The following TDRD6 variants were observed in gnomAD, a reference collection of about 807,000 sequenced individuals.
The protein encoded by TDRD6 is tudor domain containing 6, also known as tudor domain-containing protein 6.
TDRD6 carries 186 observed loss-of-function variants against 157.5 expected under a neutral mutation model. The observed-to-expected ratio is 1.18, with a 90% CI of 1.05 to 1.33. The LOEUF is 1.33. Among genes scored for constraint, TDRD6 ranks in the 40% most tolerant of loss-of-function variants. The pLI is 0.00. For missense variants in TDRD6, 3,066 were observed against 2,508.0 expected (o/e 1.22, Z -4.75); for synonymous variants, 1,075 against 945.2 (o/e 1.14, Z -2.52).
Position 46,693,795 on chromosome 6 carries a change from G to A in TDRD6, c.5667G>A (p.Glu1889=). Residue 1889 remains glutamate, a synonymous_variant, in exon 1 of 4, where the codon GAG becomes GAA. Coordinates refer to ENST00000316081, the MANE Select transcript of TDRD6 (RefSeq NM_001010870.3). ...SQECVTKGAM[E]LFTLQLPLSC... is the part of the protein sequence containing the mutation. ...AGTGTGTCACAAAAGGCGCCATGGA[G>A]CTATTTACACTGCAGCTTCCTCTCA... 1.2e-6 allele frequency: 2 copies of A among 1,614,186 alleles called. No homozygotes were observed. The highest frequency in any genetic ancestry group is 4.5e-5 in the East Asian group (2 of 44,874).
In TDRD6 at chr6:46,702,083, A is replaced by G. The variant is rs916304369; in HGVS notation, c.*196A>G. The G allele has an allele frequency of 8.4e-6, 4 of 474,438 alleles. No homozygotes were observed. The highest frequency in any genetic ancestry group is 5.9e-5 in the African/African-American group (3 of 50,688). 29.4% of individuals were successfully genotyped at this position (474,438 alleles called of 1,614,324 possible). On this transcript the variant is annotated 3_prime_UTR_variant, in exon 4 of 4. Transcript: ENST00000316081. Reference sequence around the variant, plus strand: ...GGGGTGTGTTTATAGTGATCCTGTTATATATACAGATCTGGGATCTTTCGT... The same window carrying G: ...GGGGTGTGTTTATAGTGATCCTGTTGTATATACAGATCTGGGATCTTTCGT...
rs113978580 is a variant in TDRD6, at chr6:46,690,711, T to G, written c.2583T>G (p.Ser861=). The change falls in exon 1 of 4, where the codon TCT becomes TCG. Residue 861 remains serine (S), a synonymous_variant. Transcript: ENST00000316081. ...ATTATGGAGACAGAGAAATGGTATC[T>G]GTGAAGAATATTTATTCAATTAGTG... The part of the protein sequence containing the change: ...FVDYGDREMV[S]VKNIYSISEE... The G allele has an allele frequency of 3.7e-6, 6 of 1,614,062 alleles. No homozygotes were observed. The highest frequency in any genetic ancestry group is 5.1e-6 in the Non-Finnish European group (6 of 1,180,020).
intron 3 of TDRD6, 138 bp from the exon 4 acceptor site, chr6:46,701,720 C>A: frequency 1.5e-5 from 10 of 678,660 alleles, no homozygotes; most frequent in South Asian, 4.8e-5. Flanking sequence ...GAAATAATGC[C>A]CTATAGTAAT....
rs1764243378 is a variant in TDRD6 at position 46,689,607 on chromosome 6, A to G, written c.1479A>G (p.Val493=). 3.7e-6 allele frequency: 6 copies of G among 1,614,058 alleles called. No individual in the cohort carries two copies. In the Middle Eastern group the frequency reaches 4.9e-4, roughly 133 times the overall value. Residue 493 remains valine, a synonymous_variant, in exon 1 of 4, where the codon GTA becomes GTG. Coordinates refer to ENST00000316081, the MANE Select transcript of TDRD6 (RefSeq NM_001010870.3). ...TGAATGCCTTCTACGATGCGCAGGT[A>G]GAGTTTGTTAAAAATCCTTCTGAGT... ...LKMNAFYDAQ[V]EFVKNPSEFW... is the part of the protein sequence containing the mutation.
rs1300619757 is a variant in TDRD6, at chr6:46,691,402, C to T, written c.3274C>T (p.Pro1092Ser). ...PSDAYDVLLL[P>S]MQAVRCSLSD... ...TGATGCATATGATGTCTTACTTTTG[C>T]CCATGCAAGCTGTCAGATGTTCATT... Residue 1092 changes from proline (P) to serine (S), a missense_variant, in exon 1 of 4, where the codon CCC becomes TCC. Pro to Ser is a moderately conservative substitution (Grantham distance 74). Coordinates refer to ENST00000316081, the MANE Select transcript of TDRD6 (RefSeq NM_001010870.3). 1 of 1,613,984 alleles carries T rather than the reference C, an allele frequency of 6.2e-7. No individual in the cohort carries two copies. The highest frequency in any genetic ancestry group is 8.5e-7 in the Non-Finnish European group (1 of 1,179,916).
At position 46,691,873 on chromosome 6, in the gene TDRD6, C is replaced by T. The variant is rs763078318; in HGVS notation, c.3745C>T (p.Gln1249Ter). The T allele has an allele frequency of 6.3e-7, 1 of 1,592,200 alleles. No individual in the cohort carries two copies. Among genetic ancestry groups the T allele is most frequent in the Non-Finnish European group, 8.5e-7 (1 of 1,174,450 alleles). ...YQDSVGNKNS[Q>*]VFPLTTEKKE... Reference sequence around the variant, plus strand: ...AGACTCTGTGGGAAATAAAAATAGTCAAGTGTTTCCATTAACAACAGAAAA... The same window carrying T: ...AGACTCTGTGGGAAATAAAAATAGTTAAGTGTTTCCATTAACAACAGAAAA... The change falls in exon 1 of 4, where the codon CAA (glutamine) becomes TAA (stop). Residue 1249 changes from glutamine (Q) to a stop codon, truncating the protein, a stop_gained. Transcript: ENST00000316081. LOFTEE classifies it high-confidence loss of function.
In TDRD6 at chr6:46,693,319, A is replaced by C. The variant is rs779615660; in HGVS notation, c.5191A>C (p.Lys1731Gln). ...GSYNLDVGLKKLSNKAVQNKI... is the reference protein window; with the variant it reads ...GSYNLDVGLKQLSNKAVQNKI... ...CTACAATCTTGATGTAGGACTTAAG[A>C]AATTAAGTAATAAAGCTGTACAAAA... The change falls in exon 1 of 4, where the codon AAA becomes CAA. Residue 1731 changes from lysine to glutamine, a missense_variant. Lys to Gln is a moderately conservative substitution (Grantham distance 53, BLOSUM62 1). Coordinates refer to ENST00000316081, the MANE Select transcript of TDRD6 (RefSeq NM_001010870.3). 1 of 1,605,010 alleles carries C rather than the reference A, an allele frequency of 6.2e-7. No individual in the cohort carries two copies. The highest frequency in any genetic ancestry group is 1.1e-5 in the South Asian group (1 of 89,442).
At position 46,692,334 on chromosome 6, in the gene TDRD6, T is replaced by C. The variant is rs958222427; in HGVS notation, c.4206T>C (p.Gly1402=). The C allele has an allele frequency of 6.2e-7, 1 of 1,614,186 alleles. No homozygotes were observed. The highest frequency in any genetic ancestry group is 1.6e-4 in the Middle Eastern group (1 of 6,062). Reference sequence around the variant, plus strand: ...CTGTGGTTCATACTAACAAAATAGGTAGGCTTGACCTTGTTAATGCAATAT... The same window carrying C: ...CTGTGGTTCATACTAACAAAATAGGCAGGCTTGACCTTGTTAATGCAATAT... ...NVSVVHTNKI[G]RLDLVNAILP... The change falls in exon 1 of 4, where the codon GGT becomes GGC. Residue 1402 remains glycine, a synonymous_variant. Coordinates refer to ENST00000316081, the MANE Select transcript of TDRD6 (RefSeq NM_001010870.3).
chr6:46,692,159 G>A lies in TDRD6; in HGVS notation c.4031G>A (p.Arg1344Lys). ...LSERLNSVKT[R>K]PEYYVGPPLQ... ...GAGAGATTAAACAGTGTTAAAACAA[G>A]GCCCGAATATTATGTAGGTCCACCT... The change falls in exon 1 of 4, where the codon AGG becomes AAG. Residue 1344 changes from arginine (R) to lysine (K), a missense_variant. Transcript: ENST00000316081. 1.9e-6 allele frequency: 3 copies of A among 1,614,088 alleles called. No individual in the cohort carries two copies. Among genetic ancestry groups the A allele is most frequent in the Non-Finnish European group, 2.5e-6 (3 of 1,179,986 alleles).
At position 46,701,121 on chromosome 6, in the gene TDRD6, A is replaced by C. The variant is rs915355353; in HGVS notation, c.6262-737A>C. ...CACCCAGAATTACAATTTCTTAAAA[A>C]TATTGTTATGCTGAATCCCTCAAAC... On this transcript the variant is annotated intron_variant, in intron 3 of 3. Transcript: ENST00000316081. 15 of 372,760 alleles carry C rather than the reference A, an allele frequency of 4.0e-5. No individual in the cohort carries two copies. The Admixed American group carries it at 5.0e-4, about 12-fold the overall frequency. The allele number at this position is 372,760 out of a possible 1,614,324, so 23.1% of individuals were successfully genotyped here.
upstream of TDRD6, among the ~76,000 whole-genome samples, chr6:46,685,136 T>A: frequency 6.6e-6 from 1 of 152,028 alleles, no homozygotes; most frequent in African/African-American, 2.4e-5. Flanking sequence ...TTCAAATTTA[T>A]TTTTTTTACT....
rs779034242 is a variant in TDRD6 at position 46,692,076 on chromosome 6, C to G, written c.3948C>G (p.Asp1316Glu). Residue 1316 changes from aspartate (D) to glutamate (E), a missense_variant, in exon 1 of 4, where the codon GAC becomes GAG. By Grantham distance (45) the Asp-to-Glu change is conservative. Transcript: ENST00000316081. ...KTTVYVSHIN[D>E]LSDFYVQLIE... ...CTGTATATGTTTCTCATATAAATGA[C>G]CTTTCAGACTTTTATGTTCAACTAA... The G allele has an allele frequency of 3.7e-6, 6 of 1,612,602 alleles. No homozygotes were observed. In the Admixed American group the frequency reaches 8.4e-5, roughly 23 times the overall value.
chr6:46,692,631 CAA>C lies in TDRD6; in HGVS notation c.4505_4506del (p.Lys1502IlefsTer4), dbSNP rs775570643. On this transcript the variant is annotated frameshift_variant, in exon 1 of 4. Coordinates refer to ENST00000316081, the MANE Select transcript of TDRD6 (RefSeq NM_001010870.3). LOFTEE classifies it high-confidence loss of function. Reference protein sequence around the residue: ...IKSASSKSVNKSDIDTSVFLN... With the variant: ...IKSASSKSVNXSDIDTSVFLN... The stretch of plus-strand genomic sequence containing the variant: ...AAAGTGCCAGTTCAAAGTCTGTTAA[CAA>C]ATCAGACATTGACACTTCAGTATTT... The C allele has an allele frequency of 2.5e-6, 4 of 1,612,872 alleles. No individual in the cohort carries two copies. The South Asian group carries it at 4.4e-5, about 18-fold the overall frequency.
At position 46,693,232 on chromosome 6, in the gene TDRD6, G is replaced by T. The variant is rs537866919; in HGVS notation, c.5104G>T (p.Gly1702Cys). The T allele has an allele frequency of 1.2e-6, 2 of 1,613,156 alleles. No individual in the cohort carries two copies. The highest frequency in any genetic ancestry group is 4.5e-5 in the East Asian group (2 of 44,844). The change falls in exon 1 of 4, where the codon GGT becomes TGT. Residue 1702 changes from glycine (G) to cysteine (C), a missense_variant. Gly to Cys is a radical substitution (Grantham distance 159). Transcript: ENST00000316081. ...GAAAATGGAGAAATATTCTAAGACT[G>T]GTATTAAAAGTGCTCTTCCCTATGA... ...NEKMEKYSKTGIKSALPYENI... is the reference protein window; with the variant it reads ...NEKMEKYSKTCIKSALPYENI...
In TDRD6 at chr6:46,691,507, T is replaced by C. The variant is rs757493719; in HGVS notation, c.3379T>C (p.Leu1127=). 10 of 1,613,946 alleles carry C rather than the reference T, an allele frequency of 6.2e-6. No individual in the cohort carries two copies. The East Asian group carries it at 2.0e-4, about 32-fold the overall frequency. ...ETILDKSLKA[L]VVAKDPDGTL... The stretch of plus-strand genomic sequence containing the variant: ...TATTTTAGATAAGTCATTGAAGGCT[T>C]TAGTTGTAGCAAAAGATCCAGATGG... The change falls in exon 1 of 4, where the codon TTA becomes CTA. Residue 1127 remains leucine (L), a synonymous_variant. Coordinates refer to ENST00000316081, the MANE Select transcript of TDRD6 (RefSeq NM_001010870.3).
chr6:46,690,582 A>C lies in TDRD6; in HGVS notation c.2454A>C (p.Arg818Ser), dbSNP rs1764278467. Residue 818 changes from arginine to serine, a missense_variant, in exon 1 of 4, where the codon AGA becomes AGC. By Grantham distance (110) the Arg-to-Ser change is moderately radical. Transcript: ENST00000316081. ...AAAATACAGCTGCTCCTCACCAGAG[A>C]AACACCCTTGCTTGTTTGGCTAAGC... ...YCKNTAAPHQ[R>S]NTLACLAKRT... 1 of 1,614,096 alleles carries C rather than the reference A, an allele frequency of 6.2e-7. No individual in the cohort carries two copies. Among genetic ancestry groups the C allele is most frequent in the Non-Finnish European group, 8.5e-7 (1 of 1,180,044 alleles).
chr6:46,689,910 A>G lies in TDRD6; in HGVS notation c.1782A>G (p.Pro594=). Residue 594 remains proline (P), a synonymous_variant, in exon 1 of 4, where the codon CCA becomes CCG. Transcript: ENST00000316081. ...RMLLPQFRQL[P]ILAVKCTLAD... is the part of the protein sequence containing the mutation. ...TGCTTCCTCAGTTTAGGCAGCTACCAATATTGGCTGTGAAGTGCACCCTGG... is the reference window on the plus strand; with the variant it reads ...TGCTTCCTCAGTTTAGGCAGCTACCGATATTGGCTGTGAAGTGCACCCTGG... 2.5e-6 allele frequency: 4 copies of G among 1,614,220 alleles called. No homozygotes were observed. The highest frequency in any genetic ancestry group is 3.4e-6 in the Non-Finnish European group (4 of 1,180,028).
Position 46,702,017 on chromosome 6 carries a change from T to C in TDRD6, c.*130T>C. Reference sequence around the variant, plus strand: ...CAAGAAGTTGTCATTTTCAAAAACTTCTATATAGGTGGAAAACAAATTAGG... The same window carrying C: ...CAAGAAGTTGTCATTTTCAAAAACTCCTATATAGGTGGAAAACAAATTAGG... On this transcript the variant is annotated 3_prime_UTR_variant, in exon 4 of 4. Transcript: ENST00000316081. 3 of 1,052,838 alleles carry C rather than the reference T, an allele frequency of 2.8e-6. No homozygotes were observed. In the East Asian group the frequency reaches 7.3e-5, roughly 26 times the overall value. The allele number at this position is 1,052,838 out of a possible 1,614,324, so 65.2% of individuals were successfully genotyped here. A position where few individuals can be genotyped will look rare whatever the true frequency, so the allele number is the denominator to read the frequency against.
chr6:46,694,411 A>G (rs1764441579), intron 1 of TDRD6, among the ~76,000 whole-genome samples: 1 of 151,984 alleles, frequency 6.6e-6, no homozygotes, highest in African/African-American at 2.4e-5. Context: ...CATGTTATCC[A>G]GGTTGGTCTC....
Sources: allele counts gnomAD v4.1 joint callset (sites outside exome capture counted in the v4.1 genomes callset), GRCh38; gene constraint gnomAD v4.1.1; transcripts MANE v1.5; gene names NCBI Gene and HGNC (gene_info 2026-07-23, HGNC 2026-07-21).